The following INPP4B variants were observed in gnomAD, a reference collection of about 807,000 sequenced individuals.
INPP4B encodes inositol polyphosphate 4-phosphatase type II.
A neutral mutation model predicts 122.5 loss-of-function variants in INPP4B; 55 were observed. That is an observed-to-expected ratio of 0.45 (90% confidence interval 0.36 to 0.56). INPP4B has a LOEUF of 0.56. Among genes scored for constraint, INPP4B ranks in the 20% least tolerant of loss-of-function variants. The probability of loss-of-function intolerance (pLI) is 0.00; values close to 1 mark genes in which losing one functional copy is unlikely to be tolerated. For synonymous variants in INPP4B, 403 were observed against 388.7 expected, an observed-to-expected ratio of 1.04 and a Z score of -0.43; for missense variants, 1,000 against 1,097.7, an observed-to-expected ratio of 0.91 and a Z score of 1.26.
chr4:142,104,639 C>T (rs934655512), intron 23 of INPP4B, among the ~76,000 whole-genome samples: 1 of 152,086 alleles, frequency 6.6e-6, no homozygotes, highest in Non-Finnish European at 1.5e-5. Flanking sequence ...ATAGAGTAGT[C>T]ATCAACAGCT....
chr4:142,530,452 CAT>C (rs1325293652), intron 2 of INPP4B, among the ~76,000 whole-genome samples: 1 of 151,670 alleles, frequency 6.6e-6, no homozygotes, highest in African/African-American at 2.4e-5. Flanking sequence ...TCCCAATTGT[CAT>C]AGAGCTTACA....
rs76978993 is a variant in INPP4B, at chr4:142,337,531, A to G, written c.373-22769T>C. Among the ~76,000 whole-genome samples the G allele has an allele frequency of 1.7e-3, 253 of 151,178 alleles. 1 individual carries two copies. Among genetic ancestry groups the G allele is most frequent in the African/African-American group, 5.9e-3 (244 of 41,326 alleles). On this transcript the variant is annotated intron_variant, in intron 7 of 25. Transcript: ENST00000262992. ...ATCACTGTATTATTAATTAATAATT[A>G]TCTGATTATTAATGAGGTCGATTCC...
intron 2 of INPP4B, among the ~76,000 whole-genome samples, chr4:142,724,745 T>C (rs1348246665): frequency 1.3e-5 from 2 of 152,122 alleles, no homozygotes; most frequent in Admixed American, 6.6e-5. Flanking sequence ...GCCAGAAATA[T>C]GTAGAAATAT....
chr4:142,592,908 C>G (rs1366115133), intron 2 of INPP4B, among the ~76,000 whole-genome samples: 1 of 151,916 alleles, frequency 6.6e-6, no homozygotes, highest in Non-Finnish European at 1.5e-5. Flanking sequence ...CAAGACCAGC[C>G]TGGGCAACAT....
intron 7 of INPP4B, among the ~76,000 whole-genome samples, chr4:142,346,810 T>C (rs538022469): frequency 3.2e-4 from 48 of 152,080 alleles, no homozygotes; most frequent in African/African-American, 1.1e-3. Flanking sequence ...CAATATTGAG[T>C]AGAATAAAAG....
At chr4:142,715,957 A>G (rs1406657943) in intron 2 of INPP4B, among the ~76,000 whole-genome samples, 1 of 152,160 alleles carries the variant, frequency 6.6e-6, no homozygotes, top group Non-Finnish European at 1.5e-5. Context: ...ACACCTTACA[A>G]ATGGTTACTC....
In INPP4B at chr4:142,307,210, G is replaced by A. The variant is rs539622091; in HGVS notation, c.424-1673C>T. On this transcript the variant is annotated intron_variant, in intron 8 of 25. Transcript: ENST00000262992. ...TTCAGCCAGGGGCAGAGAGGACTCG[G>A]AGAGATCCTCCTGAATCAAAGTATT... 2.0e-4 allele frequency among the ~76,000 whole-genome samples: 31 copies of A among 152,216 alleles called. 1 individual carries two copies. Among genetic ancestry groups the A allele is most frequent in the Non-Finnish European group, 4.3e-4 (29 of 68,008 alleles).
At chr4:142,595,091 A>AT (rs202187180) in intron 2 of INPP4B, among the ~76,000 whole-genome samples, 235 of 151,406 alleles carry the variant, frequency 1.6e-3, no homozygotes, top group African/African-American at 5.4e-3. Context: ...ATTATTTTGC[A>AT]TTTTTTTGTA....
chr4:142,134,467 A>C (rs1232847697), intron 18 of INPP4B, among the ~76,000 whole-genome samples: 4 of 152,202 alleles, frequency 2.6e-5, no homozygotes, highest in Non-Finnish European at 5.9e-5. Context: ...AATGTTATTG[A>C]AATTCTAGGC....
At chr4:142,681,040 G>T (rs752765134) in intron 2 of INPP4B, among the ~76,000 whole-genome samples, 4 of 151,772 alleles carry the variant, frequency 2.6e-5, no homozygotes, top group Admixed American at 2.6e-4. Context: ...GAATAGTTCC[G>T]TCAAGACCCA....
rs1851101651 is a variant in INPP4B, at chr4:142,225,405, A to G, written c.836+12459T>C. On this transcript the variant is annotated intron_variant, in intron 12 of 25. Coordinates refer to ENST00000262992, the MANE Select transcript of INPP4B (RefSeq NM_001101669.3). ...TTGCTCCTCAATTTGCAGACAGCCT[A>G]TTGTGGGACTTCACTTGTGATCATG... is the stretch of plus-strand genomic sequence containing the variant. 2.6e-5 allele frequency among the ~76,000 whole-genome samples: 4 copies of G among 151,952 alleles called. No homozygotes were observed. In the South Asian group the frequency reaches 8.3e-4, roughly 32 times the overall value.
intron 1 of INPP4B, among the ~76,000 whole-genome samples, chr4:142,785,636 C>T (rs1259205450): frequency 6.6e-6 from 1 of 151,390 alleles, no homozygotes; most frequent in African/African-American, 2.4e-5. Flanking sequence ...ACCAAAATGT[C>T]AAGAGAAAAA....
intron 12 of INPP4B, among the ~76,000 whole-genome samples, chr4:142,214,318 T>C (rs1157796951): frequency 1.3e-5 from 2 of 152,116 alleles, no homozygotes; most frequent in South Asian, 2.1e-4. Context: ...CATAGCAGAG[T>C]TGTTTCTCAC....
At chr4:142,748,289 T>C (rs1453062884) in intron 1 of INPP4B, among the ~76,000 whole-genome samples, 5 of 151,904 alleles carry the variant, frequency 3.3e-5, no homozygotes, top group African/African-American at 4.8e-5. Flanking sequence ...TGCCTATCTA[T>C]ACTAGAAAAT....
chr4:142,290,811 T>C (rs2200997), intron 9 of INPP4B, among the ~76,000 whole-genome samples: 8,128 of 152,172 alleles, frequency 0.053, 357 homozygotes, highest in East Asian at 0.2. Flanking sequence ...CAGCTAGGCA[T>C]CAAACAACCT....
intron 3 of INPP4B, among the ~76,000 whole-genome samples, chr4:142,459,089 C>T (rs1490779463): frequency 2.6e-5 from 4 of 152,118 alleles, no homozygotes; most frequent in Non-Finnish European, 4.4e-5. Flanking sequence ...ACCTAGAAAG[C>T]AGTGTGGAAG....
At chr4:142,042,577 T>C (rs943306161) in intron 25 of INPP4B, among the ~76,000 whole-genome samples, 1 of 148,782 alleles carries the variant, frequency 6.7e-6, no homozygotes, top group African/African-American at 2.5e-5. Flanking sequence ...TATTTATTTA[T>C]TTTTAGACAG....
chr4:142,381,394 TG>T (rs552232490), intron 7 of INPP4B, among the ~76,000 whole-genome samples: 311 of 152,290 alleles, frequency 2.0e-3, no homozygotes, highest in African/African-American at 7.2e-3. Context: ...TTTGTTTTAC[TG>T]AAGAGAGCTT....
chr4:142,282,239 G>C (rs183547473), intron 9 of INPP4B, among the ~76,000 whole-genome samples: 119 of 152,210 alleles, frequency 7.8e-4, no homozygotes, highest in African/African-American at 2.7e-3. Context: ...CTTGGGGCAA[G>C]ATTTTTGCAG....
Sources: allele counts gnomAD v4.1 joint callset (sites outside exome capture counted in the v4.1 genomes callset), GRCh38; gene constraint gnomAD v4.1.1; transcripts MANE v1.5; gene names NCBI Gene and HGNC (gene_info 2026-07-23, HGNC 2026-07-21).